The following CAST variants were observed in gnomAD, a reference collection of about 807,000 sequenced individuals.
CAST encodes calpastatin.
In CAST, 76 loss-of-function variants were observed where a neutral mutation model predicts 119.6. That is an observed-to-expected ratio of 0.64 (90% confidence interval 0.53 to 0.77). CAST has a LOEUF of 0.77. CAST is among the 30% of genes least tolerant of loss of function. The probability of loss-of-function intolerance (pLI) is 0.00; values close to 1 mark genes in which losing one functional copy is unlikely to be tolerated. For missense variants in CAST, 953 were observed against 946.5 expected (o/e 1.01, Z -0.09); for synonymous variants, 319 against 331.6 (o/e 0.96, Z 0.41).
chr5:96,460,998 C>A, the CAST span, among the ~76,000 whole-genome samples: 7 of 152,130 alleles, frequency 4.6e-5, no homozygotes, highest in Non-Finnish European at 7.4e-5. Context: ...CCCAAAACCC[C>A]ATACCCATTA....
At chr5:96,303,694 T>G in the CAST span, among the ~76,000 whole-genome samples, 1 of 150,350 alleles carries the variant, frequency 6.7e-6, no homozygotes, top group African/African-American at 2.4e-5. Flanking sequence ...AGTGAGAACA[T>G]GTGGTGTTTG....
At chr5:96,678,275 T>G (rs1750936570) in intron 2 of CAST, among the ~76,000 whole-genome samples, 1 of 152,196 alleles carries the variant, frequency 6.6e-6, no homozygotes, top group Admixed American at 6.5e-5. Context: ...ATTTTCAAAC[T>G]GGCATGTACC....
intron 1 of CAST, among the ~76,000 whole-genome samples, chr5:96,592,167 C>A (rs897652301): frequency 6.6e-6 from 1 of 152,062 alleles, no homozygotes; most frequent in Non-Finnish European, 1.5e-5. Context: ...GAGGCTGAGG[C>A]GGGCGGATCA....
At chr5:96,544,763 C>A (rs368860014) in intron 1 of CAST, among the ~76,000 whole-genome samples, 1 of 151,330 alleles carries the variant, frequency 6.6e-6, no homozygotes, top group Non-Finnish European at 1.5e-5. Context: ...CCCAACATAT[C>A]GATAATCACC....
At chr5:96,648,543 C>T (rs7732227) in intron 1 of CAST, among the ~76,000 whole-genome samples, 3,177 of 149,822 alleles carry the variant, frequency 0.021, 56 homozygotes, top group African/African-American at 0.049. Context: ...ATTTAAGTTT[C>T]AGCACTTGAA....
chr5:96,442,741 G>A, the CAST span, among the ~76,000 whole-genome samples: 11 of 152,280 alleles, frequency 7.2e-5, no homozygotes, highest in South Asian at 8.3e-4. Flanking sequence ...CTTGGAGGTC[G>A]TAAGGAGCGC....
chr5:96,719,421 G>A (rs916380488), intron 3 of CAST, among the ~76,000 whole-genome samples: 1 of 152,170 alleles, frequency 6.6e-6, no homozygotes, highest in African/African-American at 2.4e-5. Flanking sequence ...TCGGCCTCCC[G>A]AGGTGCTGGG....
the CAST span, among the ~76,000 whole-genome samples, chr5:96,108,195 T>G: frequency 6.6e-6 from 1 of 152,260 alleles, no homozygotes; most frequent in Admixed American, 6.5e-5. Context: ...TGGAGTAATT[T>G]GATCATCTGA....
the CAST span, among the ~76,000 whole-genome samples, chr5:95,967,103 A>G: frequency 6.6e-6 from 1 of 152,200 alleles, no homozygotes; most frequent in Non-Finnish European, 1.5e-5. Flanking sequence ...TTTGTACTAA[A>G]AAGGAGCAAA....
chr5:96,675,846 G>A (rs930613437), intron 2 of CAST: 19 of 389,614 alleles, frequency 4.9e-5, no homozygotes, highest in Non-Finnish European at 7.7e-5. Flanking sequence ...GTTGCTTAGG[G>A]TGTTTTCCCT....
intron 27 of CAST, among the ~76,000 whole-genome samples, chr5:96,766,430 GA>G (rs1211512599): frequency 6.6e-6 from 1 of 152,164 alleles, no homozygotes; most frequent in Non-Finnish European, 1.5e-5. Flanking sequence ...TCTCTTTCAA[GA>G]AAAGGCTATA....
At chr5:96,699,401 CG>C (rs916142446) in intron 3 of CAST, among the ~76,000 whole-genome samples, 3 of 152,180 alleles carry the variant, frequency 2.0e-5, no homozygotes, top group Non-Finnish European at 2.9e-5. Context: ...TCTTAAGGAA[CG>C]GGGTAGCTGG....
At chr5:96,450,181 G>C in the CAST span, among the ~76,000 whole-genome samples, 1 of 152,092 alleles carries the variant, frequency 6.6e-6, no homozygotes, top group East Asian at 1.9e-4. Context: ...ATGACGACTG[G>C]ATTTTAAAAA....
At chr5:96,003,709 G>T in the CAST span, among the ~76,000 whole-genome samples, 1 of 152,040 alleles carries the variant, frequency 6.6e-6, no homozygotes, top group Non-Finnish European at 1.5e-5. Context: ...TGATTATTTA[G>T]AATTAAAATA....
At chr5:96,432,214 C>A in the CAST span, 2 of 1,225,446 alleles carry the variant, frequency 1.6e-6, no homozygotes, top group Non-Finnish European at 2.3e-6. Context: ...GCCGGAGCTC[C>A]CTAGAGAGTC....
At chr5:96,361,294 G>A in the CAST span, among the ~76,000 whole-genome samples, 1 of 152,306 alleles carries the variant, frequency 6.6e-6, no homozygotes, top group Non-Finnish European at 1.5e-5. Context: ...CGCTGAACTA[G>A]ACCAGTTGGT....
the CAST span, among the ~76,000 whole-genome samples, chr5:95,986,890 C>G: frequency 6.6e-6 from 1 of 152,064 alleles, no homozygotes; most frequent in African/African-American, 2.4e-5. Context: ...TTGTAAGTAA[C>G]CTTGGCAGAG....
At chr5:96,336,704 G>A in the CAST span, among the ~76,000 whole-genome samples, 3 of 152,200 alleles carry the variant, frequency 2.0e-5, no homozygotes, top group Non-Finnish European at 4.4e-5. Context: ...TGCTTTTCCA[G>A]ATGTCTAATT....
chr5:96,695,261 G>T lies in CAST; in HGVS notation c.139-575G>T, dbSNP rs182213785. Among the ~76,000 whole-genome samples the T allele has an allele frequency of 9.3e-4, 142 of 152,190 alleles. 1 individual carries two copies. Among genetic ancestry groups the T allele is most frequent in the African/African-American group, 3.1e-3 (129 of 41,530 alleles). On this transcript the variant is annotated intron_variant, in intron 2 of 31. Coordinates refer to ENST00000675179, the MANE Select transcript of CAST (RefSeq NM_001750.7). ...AGTACTTAGAATAACGTTCTGAGAG[G>T]CTTTATTCTTGAAGCATTTTATCCT... is the stretch of plus-strand genomic sequence containing the variant.
Sources: gnomAD v4.1 joint callset for allele counts (sites outside exome capture counted in the v4.1 genomes callset) on GRCh38, gnomAD v4.1.1 for gene constraint, MANE v1.5 for transcripts, NCBI Gene and HGNC (gene_info 2026-07-23, HGNC 2026-07-21) for gene names.